RBM47: variants seen among roughly 807,000 people sequenced by gnomAD.
RBM47 encodes RNA-binding protein 47.
A neutral mutation model predicts 47.1 loss-of-function variants in RBM47; 21 were observed. The ratio of observed to expected loss-of-function variants is 0.45; its 90% confidence interval spans 0.32 to 0.64. The LOEUF is 0.64. Among genes scored for constraint, RBM47 ranks in the 30% least tolerant of loss-of-function variants. The pLI is 0.05. For synonymous variants in RBM47, 375 were observed against 361.7 expected (o/e 1.04, Z -0.42); for missense variants, 708 against 870.9 (o/e 0.81, Z 2.35).
intron 2 of RBM47, among the ~76,000 whole-genome samples, chr4:40,492,296 C>T (rs569979662): frequency 4.6e-5 from 7 of 151,970 alleles, no homozygotes; most frequent in South Asian, 2.1e-4. Flanking sequence ...CTTGAGCCCC[C>T]GAGGTTGAGG....
At chr4:40,561,555 CT>C (rs568982564) in intron 1 of RBM47, among the ~76,000 whole-genome samples, 74 of 134,854 alleles carry the variant, frequency 5.5e-4, no homozygotes, top group Non-Finnish European at 6.9e-4. Context: ...TTTTTTTTTT[CT>C]TTTTTTTTTT....
At chr4:40,559,840 T>C (rs546507336) in intron 1 of RBM47, among the ~76,000 whole-genome samples, 101 of 152,318 alleles carry the variant, frequency 6.6e-4, no homozygotes, top group African/African-American at 2.3e-3. Context: ...CAGCCTTGAC[T>C]CTCAAGCACA....
intron 3 of RBM47, among the ~76,000 whole-genome samples, chr4:40,456,224 T>C (rs1203508264): frequency 6.6e-6 from 1 of 152,216 alleles, no homozygotes; most frequent in Non-Finnish European, 1.5e-5. Flanking sequence ...TATGGTGTCA[T>C]ATACCATGTT....
chr4:40,470,565 G>A (rs547416521), intron 2 of RBM47, among the ~76,000 whole-genome samples: 24 of 152,190 alleles, frequency 1.6e-4, no homozygotes, highest in African/African-American at 5.5e-4. Flanking sequence ...ATGAAGCATA[G>A]CATACATAAA....
intron 2 of RBM47, among the ~76,000 whole-genome samples, chr4:40,516,349 TC>T (rs1278764590): frequency 1.4e-5 from 2 of 147,518 alleles, no homozygotes; most frequent in African/African-American, 5.0e-5. Context: ...CAACCTCCGC[TC>T]CCAAGTTCAA....
intron 2 of RBM47, among the ~76,000 whole-genome samples, chr4:40,537,430 T>C (rs1479817737): frequency 1.3e-5 from 2 of 151,874 alleles, no homozygotes; most frequent in Non-Finnish European, 2.9e-5. Context: ...ACCTGGCTAA[T>C]TTTTGTAGAG....
At chr4:40,614,499 A>G (rs1014205486) in intron 1 of RBM47, among the ~76,000 whole-genome samples, 8 of 152,114 alleles carry the variant, frequency 5.3e-5, no homozygotes, top group Non-Finnish European at 1.2e-4. Context: ...TCCTGGTCCA[A>G]AGACCTGGTT....
chr4:40,621,017 A>C (rs1452432307), intron 1 of RBM47, among the ~76,000 whole-genome samples: 5 of 152,214 alleles, frequency 3.3e-5, no homozygotes, highest in African/African-American at 1.2e-4. Flanking sequence ...CAAAAAAAAA[A>C]AACCCAAAAT....
intron 1 of RBM47, among the ~76,000 whole-genome samples, chr4:40,551,811 G>A (rs1037224736): frequency 1.3e-5 from 2 of 151,934 alleles, no homozygotes; most frequent in African/African-American, 4.8e-5. Context: ...ACCACATCCA[G>A]CTAACTTTTG....
intron 1 of RBM47, among the ~76,000 whole-genome samples, chr4:40,594,343 T>C (rs1460599631): frequency 6.6e-6 from 1 of 152,210 alleles, no homozygotes; most frequent in African/African-American, 2.4e-5. Flanking sequence ...TCACATCTTT[T>C]GTACTGAGAT....
At chr4:40,536,557 C>T (rs533862987) in intron 2 of RBM47, among the ~76,000 whole-genome samples, 1 of 152,276 alleles carries the variant, frequency 6.6e-6, no homozygotes, top group South Asian at 2.1e-4. Context: ...TTGATGCCCA[C>T]AATTTTCTTT....
intron 1 of RBM47, among the ~76,000 whole-genome samples, chr4:40,617,861 T>C (rs1006782577): frequency 2.0e-5 from 3 of 152,082 alleles, no homozygotes; most frequent in Non-Finnish European, 4.4e-5. Context: ...TATTTTGTCA[T>C]TTGTGGTATA....
Position 40,611,105 on chromosome 4 carries a change from G to A in RBM47, c.-240+18291C>T, listed in dbSNP as rs551689662. Among the ~76,000 whole-genome samples the A allele has an allele frequency of 1.2e-4, 19 of 152,212 alleles. 1 individual carries two copies. The highest frequency in any genetic ancestry group is 3.4e-4 in the African/African-American group (14 of 41,544). On this transcript the variant is annotated intron_variant, in intron 1 of 6. Coordinates refer to ENST00000295971, the MANE Select transcript of RBM47 (RefSeq NM_001098634.2). The stretch of plus-strand genomic sequence containing the variant: ...CTCATCCCCTGCTGTGCCTCCTCAG[G>A]TTAAACTGATGCTACCGATTCCTAT...
intron 3 of RBM47, among the ~76,000 whole-genome samples, chr4:40,449,721 C>T (rs1715114773): frequency 6.6e-6 from 1 of 152,180 alleles, no homozygotes; most frequent in African/African-American, 2.4e-5. Flanking sequence ...TTCTGTCGCC[C>T]AGGCTGGAGT....
At chr4:40,428,198 A>T (rs889484080) in intron 6 of RBM47, among the ~76,000 whole-genome samples, 1 of 83,420 alleles carries the variant, frequency 1.2e-5, no homozygotes, top group African/African-American at 3.5e-5. Flanking sequence ...TGTCTCAAAC[A>T]AAACAAAACA....
At chr4:40,581,473 G>A (rs547599347) in intron 1 of RBM47, among the ~76,000 whole-genome samples, 10 of 88,884 alleles carry the variant, frequency 1.1e-4, no homozygotes, top group Admixed American at 4.3e-4. Flanking sequence ...AATAAAAGGA[G>A]AGGTCATTGG....
chr4:40,483,930 T>C (rs1720755979), intron 2 of RBM47, among the ~76,000 whole-genome samples: 4 of 151,952 alleles, frequency 2.6e-5, no homozygotes, highest in Admixed American at 2.6e-4. Context: ...CCTTAAGAAA[T>C]AAGAAAAAAA....
At chr4:40,615,284 C>CA (rs202074600) in intron 1 of RBM47, among the ~76,000 whole-genome samples, 20 of 150,884 alleles carry the variant, frequency 1.3e-4, no homozygotes, top group African/African-American at 4.1e-4. Flanking sequence ...ACAAAATATA[C>CA]AAAAAAAAAT....
chr4:40,568,984 A>AAGATAGAT (rs60078594), intron 1 of RBM47, among the ~76,000 whole-genome samples: 3,833 of 144,984 alleles, frequency 0.026, 107 homozygotes, highest in African/African-American at 0.067. Context: ...TCTGTCTCAA[A>AAGATAGAT]AGATAGATAG....
Sources: gnomAD v4.1 joint callset for allele counts (sites outside exome capture counted in the v4.1 genomes callset) on GRCh38, gnomAD v4.1.1 for gene constraint, MANE v1.5 for transcripts, NCBI Gene and HGNC (gene_info 2026-07-23, HGNC 2026-07-21) for gene names.